The following UPP2 variants were observed in gnomAD, a reference collection of about 807,000 sequenced individuals.
UPP2 encodes the protein UPase 2.
Under a neutral mutation model 26.7 loss-of-function variants are expected in UPP2, and 23 were observed. The ratio of observed to expected loss-of-function variants is 0.86; its 90% CI spans 0.62 to 1.22. The LOEUF (loss-of-function observed/expected upper bound fraction) is 1.22, where lower values mean the gene tolerates loss of function less well. Ranked by LOEUF, UPP2 falls within the 50% of genes most tolerant of loss-of-function variation. The pLI, the probability that UPP2 is intolerant of heterozygous loss-of-function variation, is 0.00. For synonymous variants in UPP2, 127 were observed against 141.3 expected (o/e 0.90, Z 0.72); for missense variants, 387 against 396.7 (o/e 0.98, Z 0.21).
At chr2:158,101,162 T>A (rs1683068752), upstream of UPP2, among the ~76,000 whole-genome samples, 1 of 152,232 alleles carries the variant, frequency 6.6e-6, no homozygotes, top group Non-Finnish European at 1.5e-5. Flanking sequence ...AGCTGATTGC[T>A]ATGGGAGTGA....
intron 3 of UPP2, among the ~76,000 whole-genome samples, chr2:158,051,364 T>G (rs1682155346): frequency 6.6e-6 from 1 of 152,092 alleles, no homozygotes; most frequent in East Asian, 1.9e-4. Flanking sequence ...AAGAAGAGGC[T>G]AGAGGGACAC....
At chr2:158,102,187 T>G in intron 1 of UPP2, 62 bp downstream of exon 1, 1 of 1,579,264 alleles carries the variant, frequency 6.3e-7, no homozygotes, top group South Asian at 1.2e-5. Flanking sequence ...GATTTTGTAT[T>G]AAATGATTAG....
At chr2:158,047,860 T>C (rs1355300256) in intron 3 of UPP2, among the ~76,000 whole-genome samples, 2 of 152,170 alleles carry the variant, frequency 1.3e-5, no homozygotes, top group Non-Finnish European at 2.9e-5. Flanking sequence ...GTCTTCCCAA[T>C]TGGTTTTTCT....
Position 158,101,976 on chromosome 2 carries a change from T to C in UPP2, c.-88T>C. 6.3e-7 allele frequency: 1 copy of C among 1,583,860 alleles called. No individual in the cohort carries two copies. The highest frequency in any genetic ancestry group is 8.6e-7 in the Non-Finnish European group (1 of 1,168,060). On this transcript the variant is annotated 5_prime_UTR_variant, in exon 1 of 7. Transcript: ENST00000005756. ...ATCATTCTGACTGGGAACTGAACTATTATGACTAGGTCTATAATTTAATAA... is the reference window on the plus strand; with the variant it reads ...ATCATTCTGACTGGGAACTGAACTACTATGACTAGGTCTATAATTTAATAA...
intron 3 of UPP2, among the ~76,000 whole-genome samples, chr2:158,068,590 G>A (rs965824712): frequency 2.0e-5 from 3 of 151,250 alleles, no homozygotes; most frequent in East Asian, 3.9e-4. Context: ...TAAGCATGCT[G>A]TTTCCTCACC....
At position 158,121,413 on chromosome 2, in the gene UPP2, T is replaced by C. The variant is rs1361939586; in HGVS notation, c.459T>C (p.Ile153=). The C allele has an allele frequency of 6.2e-7, 1 of 1,611,820 alleles. No individual in the cohort carries two copies. The stretch of plus-strand genomic sequence containing the variant: ...TCATTTATTCCCACATTGCAGGGAT[T>C]GCACCAGGGACTGTTGTAATAACGG... ...IRIGTSGGIG[I]APGTVVITDI... Residue 153 remains isoleucine, a synonymous_variant, in exon 5 of 7, where the codon ATT becomes ATC. Transcript: ENST00000005756.
At chr2:158,116,885 T>G (rs1683442438) in intron 3 of UPP2, among the ~76,000 whole-genome samples, 1 of 149,266 alleles carries the variant, frequency 6.7e-6, no homozygotes, top group South Asian at 2.1e-4. Flanking sequence ...TCAGGGCATA[T>G]GCAATGGGAA....
intron 6 of UPP2, among the ~76,000 whole-genome samples, chr2:158,125,297 G>T (rs1683668999): frequency 1.3e-5 from 2 of 152,092 alleles, no homozygotes. Context: ...TTACAAAAAA[G>T]CTGTAGTTCT....
At chr2:157,999,301 C>T (rs1032665534) in intron 2 of UPP2, among the ~76,000 whole-genome samples, 2 of 152,116 alleles carry the variant, frequency 1.3e-5, no homozygotes, top group African/African-American at 4.8e-5. Flanking sequence ...GCCTCAGCCT[C>T]CCAAGTAGCT....
chr2:158,091,112 A>G (rs181493341), intron 3 of UPP2, among the ~76,000 whole-genome samples: 2 of 152,350 alleles, frequency 1.3e-5, no homozygotes, highest in East Asian at 3.9e-4. Context: ...CCTACATGGT[A>G]CCAAAATCCT....
chr2:158,091,719 C>A (rs928280206), intron 3 of UPP2, among the ~76,000 whole-genome samples: 1 of 152,170 alleles, frequency 6.6e-6, no homozygotes, highest in African/African-American at 2.4e-5. Flanking sequence ...CTGGCCCTCA[C>A]TGGGGTGACG....
chr2:158,058,702 C>T (rs900702789), intron 3 of UPP2, among the ~76,000 whole-genome samples: 2 of 152,094 alleles, frequency 1.3e-5, no homozygotes, highest in Admixed American at 1.3e-4. Flanking sequence ...TATTTTCTGG[C>T]ACTATAAGAT....
chr2:158,129,860 G>A (rs1490394399), intron 6 of UPP2, among the ~76,000 whole-genome samples: 1 of 151,900 alleles, frequency 6.6e-6, no homozygotes, highest in East Asian at 1.9e-4. Flanking sequence ...CCACCTCTTG[G>A]GCTAAAGCCA....
chr2:158,090,166 A>G (rs372242611), intron 3 of UPP2, among the ~76,000 whole-genome samples: 115 of 152,236 alleles, frequency 7.6e-4, no homozygotes, highest in African/African-American at 2.7e-3. Flanking sequence ...GGATACCTTA[A>G]TTACTCTGGT....
At chr2:158,082,917 A>G (rs1682750892) in intron 3 of UPP2, among the ~76,000 whole-genome samples, 1 of 152,252 alleles carries the variant, frequency 6.6e-6, no homozygotes, top group Non-Finnish European at 1.5e-5. Context: ...ACATTTCTCA[A>G]AAGAAGACAT....
At chr2:158,069,068 C>G (rs1682494982) in intron 3 of UPP2, among the ~76,000 whole-genome samples, 1 of 151,572 alleles carries the variant, frequency 6.6e-6, no homozygotes, top group South Asian at 2.1e-4. Context: ...ACCTCGGCCT[C>G]CCAAAGTGCT....
chr2:158,056,552 C>T (rs769880839), intron 3 of UPP2, among the ~76,000 whole-genome samples: 1 of 152,176 alleles, frequency 6.6e-6, no homozygotes, highest in Admixed American at 6.5e-5. Flanking sequence ...GCTATGCTCC[C>T]TCTGAAACCT....
chr2:158,117,890 C>T lies in UPP2; in HGVS notation c.406C>T (p.Arg136Trp), dbSNP rs765912196. The T allele has an allele frequency of 3.1e-5, 50 of 1,613,200 alleles. No homozygotes were observed. The highest frequency in any genetic ancestry group is 9.3e-5 in the African/African-American group (7 of 75,000). Residue 136 changes from arginine to tryptophan, a missense_variant, in exon 4 of 7, where the codon CGG becomes TGG. Physicochemically the swap from Arg to Trp is moderately radical, Grantham distance 101. Coordinates refer to ENST00000005756, the MANE Select transcript of UPP2 (RefSeq NM_173355.4). ...HELIKLLHHA[R>W]CCDVTIIRIG... ...ACTCATCAAATTACTCCACCATGCACGGTGCTGCGATGTCACCATTATTAG... is the reference window on the plus strand; with the variant it reads ...ACTCATCAAATTACTCCACCATGCATGGTGCTGCGATGTCACCATTATTAG...
rs188443843 is a variant in UPP2, at chr2:158,068,415, C to G, written c.148-33625C>G. The stretch of plus-strand genomic sequence containing the variant: ...AATTACCTGAACATATTTATTCCAA[C>G]GATCTTGATTTTATGTAAATGAGCA... On this transcript the variant is annotated intron_variant, in intron 3 of 9. Transcript: ENST00000605860. 1.8e-3 allele frequency among the ~76,000 whole-genome samples: 278 copies of G among 152,168 alleles called. 1 individual carries two copies. Among genetic ancestry groups the G allele is most frequent in the African/African-American group, 5.6e-3 (232 of 41,518 alleles).
Sources: gnomAD v4.1 joint callset for allele counts (sites outside exome capture counted in the v4.1 genomes callset) on GRCh38, gnomAD v4.1.1 for gene constraint, MANE v1.5 for transcripts, NCBI Gene and HGNC (gene_info 2026-07-23, HGNC 2026-07-21) for gene names.